The following ASTN2 variants were observed in gnomAD, a reference collection of about 807,000 sequenced individuals.
ASTN2 encodes the protein astrotactin 2.
ASTN2 carries 54 observed loss-of-function variants against 139.8 expected under a neutral mutation model. That is an observed-to-expected ratio of 0.39 (90% CI 0.31 to 0.48). The LOEUF (loss-of-function observed/expected upper bound fraction) is 0.48. ASTN2 is among the 20% of genes least tolerant of loss of function. ASTN2 has a pLI of 0.95. For synonymous variants in ASTN2, 756 were observed against 719.5 expected (o/e 1.05, Z -0.81); for missense variants, 1,565 against 1,725.1 (o/e 0.91, Z 1.64).
chr9:116,775,775 A>AAGGAGGGAAGG (rs6151139), intron 13 of ASTN2, among the ~76,000 whole-genome samples: 37,403 of 114,922 alleles, frequency 0.33, 6,849 homozygotes, highest in Middle Eastern at 0.46. Context: ...GGAAAGGGGG[A>AAGGAGGGAAGG]AGGAGGGAAG....
In ASTN2 at chr9:116,465,323, A is replaced by T. The variant is rs147030395; in HGVS notation, c.3497+22036T>A. On this transcript the variant is annotated intron_variant, in intron 20 of 22. Coordinates refer to ENST00000313400, the MANE Select transcript of ASTN2 (RefSeq NM_001365068.1). The stretch of plus-strand genomic sequence containing the variant: ...GATAAGCCTTTCTGGTCGACTGGAC[A>T]CATCAGCCTTAGAAACCTTGAGTTA... 6.4e-3 allele frequency among the ~76,000 whole-genome samples: 973 copies of T among 152,266 alleles called. 26 individuals are homozygous for T. The highest frequency in any genetic ancestry group is 0.038 in the Admixed American group (574 of 15,292).
At position 116,694,486 on chromosome 9, in the gene ASTN2, G is replaced by A. The variant is rs907359785; in HGVS notation, c.2806+31285C>T. ...TTTTTTTTTTTTTTTTTTTGAGATG[G>A]AGTCTCGCTCTGTCACCCAGTCTGG... On this transcript the variant is annotated intron_variant, in intron 16 of 22. Transcript: ENST00000313400. Among the ~76,000 whole-genome samples the A allele has an allele frequency of 3.7e-4, 43 of 116,630 alleles. No homozygotes were observed. The Admixed American group carries it at 4.0e-3, about 11-fold the overall frequency. The allele number at this position is 116,630 out of a possible 152,430, so 76.5% of individuals were successfully genotyped here.
At chr9:117,063,889 C>T (rs1005392405) in intron 5 of ASTN2, among the ~76,000 whole-genome samples, 1 of 152,028 alleles carries the variant, frequency 6.6e-6, no homozygotes, top group African/African-American at 2.4e-5. Flanking sequence ...TAGATGAAAG[C>T]AGAGCTAGCC....
chr9:116,811,758 C>CA (rs1831172933), intron 12 of ASTN2, among the ~76,000 whole-genome samples: 1 of 152,158 alleles, frequency 6.6e-6, no homozygotes, highest in Non-Finnish European at 1.5e-5. Flanking sequence ...AATGCATCAG[C>CA]TATTATGCTT....
At chr9:116,923,109 C>T (rs73527992) in intron 10 of ASTN2, among the ~76,000 whole-genome samples, 1 of 152,098 alleles carries the variant, frequency 6.6e-6, no homozygotes, top group South Asian at 2.1e-4. Flanking sequence ...AAACAAAGCC[C>T]GCCTAAATCT....
chr9:116,946,299 C>T (rs1289038186), intron 10 of ASTN2, among the ~76,000 whole-genome samples: 1 of 152,146 alleles, frequency 6.6e-6, no homozygotes. Flanking sequence ...GTCCCTGAGG[C>T]TCCCCACTAA....
At chr9:117,033,892 G>C (rs1361061595) in intron 6 of ASTN2, among the ~76,000 whole-genome samples, 6 of 152,130 alleles carry the variant, frequency 3.9e-5, no homozygotes, top group Non-Finnish European at 8.8e-5. Flanking sequence ...AAAGTGCTTT[G>C]TGTGCTACTC....
intron 16 of ASTN2, among the ~76,000 whole-genome samples, chr9:116,725,127 C>A (rs1828582465): frequency 6.6e-6 from 1 of 152,148 alleles, no homozygotes. Context: ...GTACCCATTT[C>A]ACAGGAAGAG....
intron 3 of ASTN2, among the ~76,000 whole-genome samples, chr9:117,192,025 C>T (rs1831362648): frequency 6.6e-6 from 1 of 152,136 alleles, no homozygotes; most frequent in Non-Finnish European, 1.5e-5. Context: ...TGGGAAGTGA[C>T]ATTTTAAGGG....
intron 4 of ASTN2, among the ~76,000 whole-genome samples, chr9:117,120,018 G>GTATGTATATATATATATATA (rs1554780401): frequency 2.2e-4 from 10 of 45,998 alleles, no homozygotes; most frequent in Non-Finnish European, 3.5e-4. Context: ...GTGTGTGTGT[G>GTATGTATATATATATATATA]TATATATATA....
intron 16 of ASTN2, among the ~76,000 whole-genome samples, chr9:116,663,298 G>C (rs1022212720): frequency 1.2e-4 from 19 of 152,236 alleles, no homozygotes; most frequent in African/African-American, 4.3e-4. Context: ...CCCACCTTGG[G>C]GCCAGTAGGA....
intron 19 of ASTN2, among the ~76,000 whole-genome samples, chr9:116,501,447 G>A (rs1849851156): frequency 6.6e-6 from 1 of 152,254 alleles, no homozygotes; most frequent in South Asian, 2.1e-4. Flanking sequence ...TGTCTTTATA[G>A]CAGCATGATT....
intron 3 of ASTN2, among the ~76,000 whole-genome samples, chr9:117,199,754 T>A (rs1831640526): frequency 1.3e-5 from 2 of 152,154 alleles, no homozygotes; most frequent in South Asian, 4.1e-4. Flanking sequence ...ATTCTTCCTA[T>A]CTCTGAGGAT....
chr9:116,578,631 T>C (rs1387722820), intron 19 of ASTN2, among the ~76,000 whole-genome samples: 2,005 of 104,706 alleles, frequency 0.019, 55 homozygotes, highest in African/African-American at 0.073. Flanking sequence ...TGTGTGTGTG[T>C]GTGTGTGTGT....
intron 16 of ASTN2, among the ~76,000 whole-genome samples, chr9:116,653,606 G>A (rs1858045929): frequency 6.6e-6 from 1 of 152,208 alleles, no homozygotes; most frequent in South Asian, 2.1e-4. Context: ...ACGAAGCCTA[G>A]TAATGTCAAG....
intron 10 of ASTN2, among the ~76,000 whole-genome samples, chr9:116,884,146 A>G (rs949767933): frequency 2.0e-5 from 3 of 152,130 alleles, no homozygotes; most frequent in African/African-American, 7.2e-5. Context: ...GGTGAATTCC[A>G]TCCCACAGCC....
intron 12 of ASTN2, among the ~76,000 whole-genome samples, chr9:116,816,911 A>ATAAATAAATAAATAAATAAG (rs145637379): frequency 6.6e-6 from 1 of 151,720 alleles, no homozygotes; most frequent in Admixed American, 6.6e-5. Flanking sequence ...AAATAAATAA[A>ATAAATAAATAAATAAATAAG]TAAATAAATA....
At chr9:117,058,630 G>A (rs1205144240) in intron 5 of ASTN2, among the ~76,000 whole-genome samples, 1 of 152,216 alleles carries the variant, frequency 6.6e-6, no homozygotes. Context: ...GGTGACTGCA[G>A]AGATGCATCT....
intron 16 of ASTN2, among the ~76,000 whole-genome samples, chr9:116,694,801 G>C (rs1860760456): frequency 6.6e-6 from 1 of 151,908 alleles, no homozygotes; most frequent in Non-Finnish European, 1.5e-5. Flanking sequence ...GTATGTCTAT[G>C]CTATTGCCCC....
Sources: gnomAD v4.1 joint callset for allele counts (sites outside exome capture counted in the v4.1 genomes callset) on GRCh38, gnomAD v4.1.1 for gene constraint, MANE v1.5 for transcripts, NCBI Gene and HGNC (gene_info 2026-07-23, HGNC 2026-07-21) for gene names.